The following NR2F1-AS1 variants were observed in gnomAD, a reference collection of about 807,000 sequenced individuals.
NR2F1-AS1 encodes NR2F1 regulatory antisense RNA 1, also known as NR2F1 antisense RNA 1.
At chr5:93,521,100 C>T (rs557153044) in intron 4 of NR2F1-AS1, among the ~76,000 whole-genome samples, 2 of 152,018 alleles carry the variant, frequency 1.3e-5, no homozygotes, top group Non-Finnish European at 2.9e-5. Context: ...ACAAAGCTGA[C>T]AAAAACACGC....
intron 4 of NR2F1-AS1, among the ~76,000 whole-genome samples, chr5:93,522,258 G>A (rs1370882422): frequency 2.0e-5 from 3 of 152,028 alleles, no homozygotes; most frequent in African/African-American, 4.8e-5. Context: ...ATTGGGTATT[G>A]GACTTAATAT....
At chr5:93,581,125 TA>T (rs1753018523), upstream of NR2F1-AS1, 1 of 152,176 alleles carries the variant, frequency 6.6e-6, no homozygotes, top group African/African-American at 2.4e-5. Context: ...GAACGAGTAT[TA>T]AAAAACAAAC....
chr5:93,537,010 CT>C (rs1409624469), intron 4 of NR2F1-AS1, among the ~76,000 whole-genome samples: 1 of 152,194 alleles, frequency 6.6e-6, no homozygotes, highest in African/African-American at 2.4e-5. Context: ...TCCTCCTTGC[CT>C]TTCGCTATGA....
At chr5:93,438,989 A>G (rs573324785) in intron 4 of NR2F1-AS1, among the ~76,000 whole-genome samples, 1 of 152,384 alleles carries the variant, frequency 6.6e-6, no homozygotes, top group East Asian at 1.9e-4. Flanking sequence ...ATGTAAACAT[A>G]TATCAAAGCA....
chr5:93,474,009 T>C (rs1043601859), intron 4 of NR2F1-AS1, among the ~76,000 whole-genome samples: 1 of 152,036 alleles, frequency 6.6e-6, no homozygotes, highest in Admixed American at 6.6e-5. Flanking sequence ...AGCTAAAAGA[T>C]AAATTAAAAC....
intron 4 of NR2F1-AS1, among the ~76,000 whole-genome samples, chr5:93,443,443 G>A (rs957943313): frequency 2.0e-5 from 3 of 152,152 alleles, no homozygotes; most frequent in Admixed American, 2.0e-4. Context: ...GGAAGAAAGG[G>A]TATCAGTGAT....
At chr5:93,515,338 G>A (rs1160463167) in intron 4 of NR2F1-AS1, among the ~76,000 whole-genome samples, 1 of 151,786 alleles carries the variant, frequency 6.6e-6, no homozygotes, top group Non-Finnish European at 1.5e-5. Flanking sequence ...CTAGAACCCT[G>A]TGATATATAA....
intron 4 of NR2F1-AS1, among the ~76,000 whole-genome samples, chr5:93,553,203 C>G (rs1169045066): frequency 6.7e-6 from 1 of 149,946 alleles, no homozygotes; most frequent in Non-Finnish European, 1.5e-5. Context: ...GATCTCACCT[C>G]ACTGCGACCC....
intron 4 of NR2F1-AS1, among the ~76,000 whole-genome samples, chr5:93,474,759 C>T (rs998328306): frequency 3.3e-5 from 5 of 152,138 alleles, no homozygotes; most frequent in African/African-American, 1.2e-4. Flanking sequence ...TGCTAAAGGC[C>T]AAGCCAATAC....
At chr5:93,556,934 T>A (rs575621797) in intron 2 of NR2F1-AS1, among the ~76,000 whole-genome samples, 2 of 152,300 alleles carry the variant, frequency 1.3e-5, no homozygotes, top group African/African-American at 4.8e-5. Flanking sequence ...TTTCTTTTGC[T>A]GAAAGTCACT....
intron 4 of NR2F1-AS1, among the ~76,000 whole-genome samples, chr5:93,549,806 C>A (rs747321272): frequency 1.6e-4 from 24 of 152,084 alleles, no homozygotes; most frequent in Non-Finnish European, 3.1e-4. Flanking sequence ...GGGTTCATGT[C>A]CTTTGCAGGG....
chr5:93,574,902 CG>C (rs1479214610), intron 1 of NR2F1-AS1, among the ~76,000 whole-genome samples: 6 of 152,278 alleles, frequency 3.9e-5, no homozygotes, highest in Admixed American at 3.3e-4. Flanking sequence ...CTAGGAAACC[CG>C]GGGAAACATA....
intron 4 of NR2F1-AS1, among the ~76,000 whole-genome samples, chr5:93,483,737 A>C (rs764872580): frequency 2.0e-5 from 3 of 152,236 alleles, no homozygotes; most frequent in Non-Finnish European, 2.9e-5. Context: ...TAGAATAACC[A>C]GTTTAGAGAA....
intron 2 of NR2F1-AS1, among the ~76,000 whole-genome samples, chr5:93,558,018 T>C (rs1752400647): frequency 6.6e-6 from 1 of 152,210 alleles, no homozygotes; most frequent in Non-Finnish European, 1.5e-5. Context: ...ATCATGTAAT[T>C]GCAGCAATTC....
intron 4 of NR2F1-AS1, among the ~76,000 whole-genome samples, chr5:93,481,720 CAAT>C (rs1162962489): frequency 6.6e-6 from 1 of 151,738 alleles, no homozygotes; most frequent in African/African-American, 2.4e-5. Context: ...TCTACAACAA[CAAT>C]GAAATGAAGC....
intron 4 of NR2F1-AS1, among the ~76,000 whole-genome samples, chr5:93,456,295 A>C (rs569173933): frequency 6.6e-6 from 1 of 152,370 alleles, no homozygotes; most frequent in Admixed American, 6.5e-5. Context: ...CCATGTTCTA[A>C]GAACAAATAA....
At chr5:93,537,668 AG>A (rs34156940) in intron 4 of NR2F1-AS1, among the ~76,000 whole-genome samples, 2 of 152,208 alleles carry the variant, frequency 1.3e-5, no homozygotes, top group Non-Finnish European at 2.9e-5. Context: ...AGTATTGGCA[AG>A]GATGTGGAAG....
intron 4 of NR2F1-AS1, among the ~76,000 whole-genome samples, chr5:93,411,945 G>A (rs1748866415): frequency 6.6e-6 from 1 of 152,186 alleles, no homozygotes; most frequent in Non-Finnish European, 1.5e-5. Context: ...AGAGAAGCGT[G>A]CTGTGAAGCA....
At chr5:93,524,533 A>ACAACCC (rs1465704732) in intron 4 of NR2F1-AS1, among the ~76,000 whole-genome samples, 1 of 152,176 alleles carries the variant, frequency 6.6e-6, no homozygotes, top group Non-Finnish European at 1.5e-5. Context: ...CTCGAGAAGA[A>ACAACCC]CAACCCCAAG....
Sources: allele counts gnomAD v4.1 joint callset (sites outside exome capture counted in the v4.1 genomes callset), GRCh38; gene constraint gnomAD v4.1.1; transcripts MANE v1.5; gene names NCBI Gene and HGNC (gene_info 2026-07-23, HGNC 2026-07-21).